The following KCNT1 variants were observed in gnomAD, a reference collection of about 807,000 sequenced individuals.
The protein encoded by KCNT1 is potassium sodium-activated channel subfamily T member 1.
In KCNT1, 78 loss-of-function variants were observed where a neutral mutation model predicts 147.8. The observed-to-expected ratio is 0.53, with a 90% CI of 0.44 to 0.64. The LOEUF (loss-of-function observed/expected upper bound fraction) is 0.64, where lower values mean the gene tolerates loss of function less well. KCNT1 is among the 30% of genes least tolerant of loss of function. The pLI is 0.00. For missense variants in KCNT1, 1,419 were observed against 1,750.3 expected (o/e 0.81, Z 3.38); for synonymous variants, 867 against 748.8 (o/e 1.16, Z -2.58).
In KCNT1 at chr9:135,777,451, G is replaced by A. The variant is rs781418329; in HGVS notation, c.2463G>A (p.Leu821=). The change falls in exon 21 of 31, where the codon CTG becomes CTA. Residue 821 remains leucine (L), a synonymous_variant. Transcript: ENST00000371757. ...GNGLYNFIVP[L]RAYYRSRKEL... is the part of the protein sequence containing the mutation. ...GGCTGTACAACTTCATCGTGCCACTGCGGGCCTACTACAGATCCCGCAAGG... is the reference window on the plus strand; with the variant it reads ...GGCTGTACAACTTCATCGTGCCACTACGGGCCTACTACAGATCCCGCAAGG... 2.5e-6 allele frequency: 4 copies of A among 1,613,912 alleles called. No individual in the cohort carries two copies. Among genetic ancestry groups the A allele is most frequent in the South Asian group, 1.1e-5 (1 of 91,092 alleles).
At chr9:135,706,579 C>T (rs1835265778) in intron 1 of KCNT1, among the ~76,000 whole-genome samples, 1 of 152,222 alleles carries the variant, frequency 6.6e-6, no homozygotes, top group Admixed American at 6.5e-5. Context: ...AGGAAAGGCA[C>T]ACAGGCCTCC....
chr9:135,780,609 C>T (rs1833541254), intron 24 of KCNT1, among the ~76,000 whole-genome samples: 1 of 152,190 alleles, frequency 6.6e-6, no homozygotes, highest in African/African-American at 2.4e-5. Flanking sequence ...CAGCCTGAGG[C>T]GTAGGGGGAT....
At position 135,768,885 on chromosome 9, in the gene KCNT1, C is replaced by A. The variant is rs1832517236; in HGVS notation, c.1458C>A (p.Pro486=). 6.2e-7 allele frequency: 1 copy of A among 1,613,610 alleles called. No homozygotes were observed. The highest frequency in any genetic ancestry group is 1.7e-5 in the Admixed American group (1 of 60,000). The change falls in exon 15 of 31, where the codon CCC becomes CCA. Residue 486 remains proline (P), a synonymous_variant. Transcript: ENST00000371757. ...TGAAGGACTTCGCCCCCAACTGCCC[C>A]CTCTACGTCCAGATCCTCAAACCTG... ...WAVKDFAPNC[P]LYVQILKPEN...
chr9:135,771,035 G>A lies in KCNT1; in HGVS notation c.1948G>A (p.Gly650Arg). 7 of 1,613,234 alleles carry A rather than the reference G, an allele frequency of 4.3e-6. No individual in the cohort carries two copies. The highest frequency in any genetic ancestry group is 5.9e-6 in the Non-Finnish European group (7 of 1,179,704). ...GAAGCGGAAGAAGAGGGCCTTCTCG[G>A]GGCAGGGGCTGCACGAGGGTCCGGC... ...EEKRKKRAFS[G>R]QGLHEGPARL... is the part of the protein sequence containing the mutation. The change falls in exon 18 of 31, where the codon GGG (glycine) becomes AGG (arginine). Residue 650 changes from glycine (G) to arginine (R), a missense_variant. Physicochemically the swap from Gly to Arg is moderately radical, Grantham distance 125. Transcript: ENST00000371757.
At chr9:135,773,144 C>T (rs776142932) in intron 19 of KCNT1, among the ~76,000 whole-genome samples, 195 bp downstream of exon 19, 1 of 152,236 alleles carries the variant, frequency 6.6e-6, no homozygotes, top group Non-Finnish European at 1.5e-5. Flanking sequence ...TCACCCTCGT[C>T]GCCGGGGAGC....
chr9:135,784,731 C>G, intron 26 of KCNT1, 30 bp from the exon 27 acceptor site: 2 of 1,610,480 alleles, frequency 1.2e-6, no homozygotes, highest in Non-Finnish European at 1.7e-6. Context: ...TGCCACCTGC[C>G]CCAGCCAACT....
chr9:135,734,326 C>T (rs941772548), intron 2 of KCNT1, among the ~76,000 whole-genome samples: 2 of 152,216 alleles, frequency 1.3e-5, no homozygotes, highest in Non-Finnish European at 2.9e-5. Flanking sequence ...AGCCATGGGC[C>T]CTGCACCCGT....
intron 1 of KCNT1, among the ~76,000 whole-genome samples, chr9:135,704,863 C>G (rs1223033340): frequency 6.6e-6 from 1 of 152,210 alleles, no homozygotes; most frequent in Non-Finnish European, 1.5e-5. Flanking sequence ...AAGATACCGC[C>G]CAGCACTGGC....
chr9:135,749,881 T>C (rs1413211522), intron 2 of KCNT1, among the ~76,000 whole-genome samples: 1 of 151,950 alleles, frequency 6.6e-6, no homozygotes, highest in African/African-American at 2.4e-5. Flanking sequence ...GGGAGGAATC[T>C]TCAGAGGAGC....
chr9:135,778,536 C>CA, intron 22 of KCNT1, 41 bp downstream of exon 22: 1 of 1,602,828 alleles, frequency 6.2e-7, no homozygotes, highest in African/African-American at 1.3e-5. Flanking sequence ...GCTCCACACC[C>CA]ACCCCTCCCC....
rs1064795535 is a variant in KCNT1, at chr9:135,770,071, CCCGGGGGA to C, written c.1619+20_1619+27del. ...CCCGCGGCCAGTGAGTGCCCCGTGC[CCCGGGGGA>C]CCGACCTCCATGGCGGGGCCGGCGC... On this transcript the variant is annotated intron_variant, in intron 16 of 30. Transcript: ENST00000371757. The C allele has an allele frequency of 1.3e-6, 2 of 1,542,138 alleles. No homozygotes were observed. Among genetic ancestry groups the C allele is most frequent in the Non-Finnish European group, 1.8e-6 (2 of 1,141,444 alleles).
chr9:135,749,230 C>T, intron 2 of KCNT1, among the ~76,000 whole-genome samples: 1 of 152,226 alleles, frequency 6.6e-6, no homozygotes, highest in Non-Finnish European at 1.5e-5. Context: ...CGTCCACCCC[C>T]AGGCTCCATC....
intron 11 of KCNT1, among the ~76,000 whole-genome samples, chr9:135,763,397 C>A (rs557451026): frequency 9.2e-5 from 14 of 152,394 alleles, no homozygotes; most frequent in African/African-American, 3.4e-4. Flanking sequence ...TTCTGGAACA[C>A]AGCAGCGCCG....
intron 2 of KCNT1, among the ~76,000 whole-genome samples, chr9:135,722,675 C>A (rs1394422441): frequency 6.6e-6 from 1 of 152,200 alleles, no homozygotes; most frequent in Non-Finnish European, 1.5e-5. Context: ...GCCGGCGGAC[C>A]AGGCTCCTGG....
chr9:135,748,321 C>A (rs7849042), intron 2 of KCNT1, among the ~76,000 whole-genome samples: 5 of 151,686 alleles, frequency 3.3e-5, no homozygotes, highest in East Asian at 1.9e-4. Flanking sequence ...CCCCTCCCGC[C>A]CGCCCCACAG....
chr9:135,787,586 A>AGCT (rs2131587228), intron 29 of KCNT1, among the ~76,000 whole-genome samples: 1 of 152,220 alleles, frequency 6.6e-6, no homozygotes, highest in Admixed American at 6.5e-5. Context: ...CTGGCCCAGG[A>AGCT]GCTGCTCACG....
intron 2 of KCNT1, chr9:135,737,030 GGGGA>G (rs1830371892): frequency 4.0e-6 from 1 of 252,382 alleles, no homozygotes; most frequent in Non-Finnish European, 7.5e-6. Flanking sequence ...TGAGACTGCA[GGGGA>G]GGGAGGAAGT....
rs753241465 is a variant in KCNT1, at chr9:135,784,114, C to G, written c.2932C>G (p.Leu978Val). The G allele has an allele frequency of 6.2e-7, 1 of 1,604,106 alleles. No individual in the cohort carries two copies. Among genetic ancestry groups the G allele is most frequent in the South Asian group, 1.1e-5 (1 of 91,076 alleles). ...CTTCAGCATCAGCATGTTGGACACA[C>G]TGCTCTACCAGGTCAGCGGGGAAGC... ...RVFSISMLDT[L>V]LYQSFVKDYM... The change falls in exon 25 of 31, where the codon CTG becomes GTG. Residue 978 changes from leucine (L) to valine (V), a missense_variant. Physicochemically the swap from Leu to Val is conservative, Grantham distance 32. This residue lies in a region of KCNT1 where 247 missense variants were observed against 397.1 expected (regional missense o/e 0.62). Transcript: ENST00000371757.
At chr9:135,713,718 A>C (rs1835599397) in intron 1 of KCNT1, among the ~76,000 whole-genome samples, 1 of 152,078 alleles carries the variant, frequency 6.6e-6, no homozygotes. Flanking sequence ...CCAGGTAAGG[A>C]GCTCCCTGCC....
Sources: allele counts gnomAD v4.1 joint callset (sites outside exome capture counted in the v4.1 genomes callset), GRCh38; gene constraint gnomAD v4.1.1; regional missense constraint gnomAD v4.1.1; transcripts MANE v1.5; gene names NCBI Gene and HGNC (gene_info 2026-07-23, HGNC 2026-07-21).